KDM4C: variants seen among roughly 807,000 people sequenced by gnomAD.
KDM4C encodes lysine demethylase 4C.
In KDM4C, 81 loss-of-function variants were observed where a neutral mutation model predicts 129.3. The observed-to-expected ratio is 0.63, with a 90% confidence interval of 0.52 to 0.75. The LOEUF (loss-of-function observed/expected upper bound fraction) is 0.75. KDM4C is among the 30% of genes least tolerant of loss of function. The pLI is 0.00. For missense variants in KDM4C, 1,457 were observed against 1,304.0 expected (o/e 1.12, Z -1.81); for synonymous variants, 573 against 456.1 (o/e 1.26, Z -3.26).
At chr9:6,994,185 G>C (rs12684138) in intron 12 of KDM4C, among the ~76,000 whole-genome samples, 7,160 of 152,174 alleles carry the variant, frequency 0.047, 302 homozygotes, top group East Asian at 0.19. Flanking sequence ...CTGCTGATCT[G>C]ACAGGAGGTG....
chr9:6,922,618 G>A (rs1205177711), intron 8 of KDM4C, among the ~76,000 whole-genome samples: 4 of 152,340 alleles, frequency 2.6e-5, no homozygotes, highest in South Asian at 2.1e-4. Context: ...GTGGTGGCCC[G>A]TGCCTGTAGT....
At chr9:6,744,966 C>T (rs1406551776) in intron 1 of KDM4C, among the ~76,000 whole-genome samples, 2 of 152,108 alleles carry the variant, frequency 1.3e-5, no homozygotes, top group Non-Finnish European at 2.9e-5. Flanking sequence ...ACGGCCAGCC[C>T]TCTTCCTCCT....
intron 5 of KDM4C, among the ~76,000 whole-genome samples, chr9:6,850,183 G>A (rs183736826): frequency 1.3e-4 from 20 of 152,266 alleles, no homozygotes; most frequent in African/African-American, 3.6e-4. Flanking sequence ...ACACAATGGC[G>A]AAATTGCCTA....
intron 19 of KDM4C, among the ~76,000 whole-genome samples, chr9:7,130,722 G>A (rs1349319690): frequency 6.6e-6 from 1 of 152,246 alleles, no homozygotes; most frequent in East Asian, 1.9e-4. Flanking sequence ...TGGAAAGGAC[G>A]CATCTATCTA....
chr9:6,785,570 C>A (rs1331470090), intron 1 of KDM4C, among the ~76,000 whole-genome samples: 2 of 152,164 alleles, frequency 1.3e-5, no homozygotes, highest in Non-Finnish European at 2.9e-5. Flanking sequence ...AACTCCTGAC[C>A]TGGTGATCTG....
rs1818527643 is a variant in KDM4C at position 6,990,463 on chromosome 9, T to C, written c.1725T>C (p.Leu575=). ...NKTSKSWRHP[L]SRPPARSPMT... ...CCTCTAAGAGTTGGCGCCATCCACTTAGCAGGCCTCCAGCAAGATCTCCGA... is the reference window on the plus strand; with the variant it reads ...CCTCTAAGAGTTGGCGCCATCCACTCAGCAGGCCTCCAGCAAGATCTCCGA... Residue 575 remains leucine, a synonymous_variant, in exon 12 of 22, where the codon CTT becomes CTC. Transcript: ENST00000381309. 6.2e-7 allele frequency: 1 copy of C among 1,613,686 alleles called. No homozygotes were observed.
chr9:6,748,218 C>T (rs1362066963), intron 1 of KDM4C, among the ~76,000 whole-genome samples: 3 of 147,986 alleles, frequency 2.0e-5, no homozygotes, highest in African/African-American at 7.5e-5. Context: ...AAAAAAACAA[C>T]AGGAATTGGC....
At chr9:7,001,508 A>G (rs1820713235) in intron 12 of KDM4C, among the ~76,000 whole-genome samples, 1 of 152,230 alleles carries the variant, frequency 6.6e-6, no homozygotes, top group Non-Finnish European at 1.5e-5. Context: ...TTGAAGGGAA[A>G]TGAGAGGAAG....
At chr9:6,903,017 C>T (rs1817667922) in intron 8 of KDM4C, among the ~76,000 whole-genome samples, 2 of 152,036 alleles carry the variant, frequency 1.3e-5, no homozygotes, top group Admixed American at 6.6e-5. Context: ...AAACACCATC[C>T]TGGATGGTAG....
chr9:6,805,714 A>G lies in KDM4C; in HGVS notation c.260A>G (p.Tyr87Cys). Residue 87 changes from tyrosine (Y) to cysteine (C), a missense_variant, in exon 3 of 22, where the codon TAC becomes TGC. Tyr to Cys is a radical substitution (Grantham distance 194, BLOSUM62 -2). Coordinates refer to ENST00000381309, the MANE Select transcript of KDM4C (RefSeq NM_015061.6). ...GGGCAGTCAGGACTGTTCACTCAGT[A>G]CAACATCCAGAAAAAAGCGATGACT... ...VTGQSGLFTQ[Y>C]NIQKKAMTVK... 1.2e-6 allele frequency: 2 copies of G among 1,614,166 alleles called. No homozygotes were observed. The highest frequency in any genetic ancestry group is 1.7e-6 in the Non-Finnish European group (2 of 1,180,018).
intron 11 of KDM4C, 179 bp downstream of exon 11, chr9:6,986,845 A>G (rs1193131871): frequency 9.5e-6 from 5 of 524,684 alleles, no homozygotes; most frequent in Non-Finnish European, 1.7e-5. Context: ...GCTGTGGCTC[A>G]CATAGTGATA....
At chr9:6,885,602 A>G (rs551033395) in intron 6 of KDM4C, among the ~76,000 whole-genome samples, 24 of 132,750 alleles carry the variant, frequency 1.8e-4, no homozygotes, top group African/African-American at 7.0e-4. Flanking sequence ...TTGATCCTGT[A>G]TAATATCTTA....
At chr9:6,973,804 A>G (rs1832439868) in intron 8 of KDM4C, 1 of 152,168 alleles carries the variant, frequency 6.6e-6, no homozygotes. Flanking sequence ...ACCTACATTC[A>G]TACTGCTGTT....
In KDM4C at chr9:6,846,948, C is replaced by G. The variant is rs541861884; in HGVS notation, c.436-2559C>G. Among the ~76,000 whole-genome samples the G allele has an allele frequency of 1.3e-3, 201 of 152,276 alleles. 1 individual carries two copies. Among genetic ancestry groups the G allele is most frequent in the African/African-American group, 4.0e-3 (165 of 41,548 alleles). On this transcript the variant is annotated intron_variant, in intron 4 of 21. Transcript: ENST00000381309. ...GAAAGACTTGACGCTCAGAAAAGCT[C>G]CGTGATTTTCCCCTCAGTGACCTGC...
At chr9:7,044,182 T>C (rs1237604783) in intron 15 of KDM4C, among the ~76,000 whole-genome samples, 1 of 151,916 alleles carries the variant, frequency 6.6e-6, no homozygotes, top group Non-Finnish European at 1.5e-5. Context: ...AGCCAGGGGA[T>C]TGGGGATTCT....
chr9:6,836,850 G>T (rs1835970066), intron 4 of KDM4C, among the ~76,000 whole-genome samples: 1 of 151,766 alleles, frequency 6.6e-6, no homozygotes, highest in African/African-American at 2.4e-5. Flanking sequence ...TCTGCTGCCA[G>T]TGAACATTTT....
chr9:7,010,533 C>T (rs1822496587), intron 12 of KDM4C, among the ~76,000 whole-genome samples: 1 of 152,168 alleles, frequency 6.6e-6, no homozygotes, highest in African/African-American at 2.4e-5. Flanking sequence ...CATTGCTCTA[C>T]AGTATTTATT....
At chr9:7,131,602 G>A (rs771578769) in intron 19 of KDM4C, among the ~76,000 whole-genome samples, 13 of 152,240 alleles carry the variant, frequency 8.5e-5, no homozygotes, top group Admixed American at 3.3e-4. Context: ...ACAGGCATGA[G>A]CCACGGTGCC....
chr9:7,101,575 T>C (rs1392917685), intron 17 of KDM4C, among the ~76,000 whole-genome samples: 10 of 152,236 alleles, frequency 6.6e-5, no homozygotes, highest in Non-Finnish European at 1.2e-4. Flanking sequence ...GATTCTGTCC[T>C]TAGAAGTCCC....
Sources: allele counts gnomAD v4.1 joint callset (sites outside exome capture counted in the v4.1 genomes callset), GRCh38; gene constraint gnomAD v4.1.1; transcripts MANE v1.5; gene names NCBI Gene and HGNC (gene_info 2026-07-23, HGNC 2026-07-21).